The following TBC1D15 variants were observed in gnomAD, a reference collection of about 807,000 sequenced individuals.
The protein encoded by TBC1D15 is GAP for RAB7.
TBC1D15 carries 39 observed loss-of-function variants against 95.4 expected under a neutral mutation model. That is an observed-to-expected ratio of 0.41 (90% CI 0.32 to 0.53). The LOEUF (loss-of-function observed/expected upper bound fraction) is 0.53. Among genes scored for constraint, TBC1D15 ranks in the 20% least tolerant of loss-of-function variants. TBC1D15 has a pLI of 0.29. For missense variants in TBC1D15, 733 were observed against 794.3 expected (o/e 0.92, Z 0.93); for synonymous variants, 258 against 261.3 (o/e 0.99, Z 0.12).
chr12:71,904,780 T>C (rs951224651), intron 10 of TBC1D15, among the ~76,000 whole-genome samples: 6 of 152,110 alleles, frequency 3.9e-5, no homozygotes, highest in African/African-American at 1.4e-4. Context: ...GGAAGCAGAG[T>C]CCTTATCTGA....
intron 11 of TBC1D15, among the ~76,000 whole-genome samples, chr12:71,911,806 T>A (rs1902445614): frequency 6.7e-6 from 1 of 149,496 alleles, no homozygotes; most frequent in Non-Finnish European, 1.5e-5. Flanking sequence ...AAAAATAAAA[T>A]AGATTAAAGG....
chr12:71,873,641 G>T (rs768571494), intron 3 of TBC1D15, among the ~76,000 whole-genome samples: 13 of 152,160 alleles, frequency 8.5e-5, no homozygotes, highest in Non-Finnish European at 1.9e-4. Flanking sequence ...TGGGGGAACT[G>T]CCACACTTTT....
At chr12:71,892,585 T>TC (rs1897379449) in intron 5 of TBC1D15, among the ~76,000 whole-genome samples, 1 of 151,938 alleles carries the variant, frequency 6.6e-6, no homozygotes, top group Non-Finnish European at 1.5e-5. Context: ...GAGACTTGCT[T>TC]CTAGAGTTTA....
At chr12:71,840,006 T>C (rs1884507897) in intron 1 of TBC1D15, among the ~76,000 whole-genome samples, 195 bp downstream of exon 1, 1 of 152,182 alleles carries the variant, frequency 6.6e-6, no homozygotes, top group South Asian at 2.1e-4. Flanking sequence ...TAGAGCCGGC[T>C]ACTGCTCCAA....
chr12:71,903,037 G>A (rs908809760), intron 10 of TBC1D15, among the ~76,000 whole-genome samples: 1 of 151,996 alleles, frequency 6.6e-6, no homozygotes, highest in Non-Finnish European at 1.5e-5. Flanking sequence ...TCAGCCTCCC[G>A]GGTAGCTGGG....
chr12:71,871,901 T>G (rs1265878082), intron 1 of TBC1D15, among the ~76,000 whole-genome samples, 169 bp from the exon 2 acceptor site: 1 of 152,250 alleles, frequency 6.6e-6, no homozygotes, highest in Non-Finnish European at 1.5e-5. Context: ...TATGTTTGCT[T>G]GATTGAAGTG....
Position 71,896,721 on chromosome 12 carries a change from G to A in TBC1D15, c.1029G>A (p.Leu343=). The change falls in exon 9 of 17, where the codon CTG becomes CTA. Residue 343 remains leucine (L), a synonymous_variant. Transcript: ENST00000485960. ...GAAAGCAAGCATGGAAATTTCTTCT[G>A]GGTTATTTTCCCTGGGACAGTACCA... The part of the protein sequence containing the change: ...ALRKQAWKFL[L]GYFPWDSTKE... 6.2e-7 allele frequency: 1 copy of A among 1,612,724 alleles called. No homozygotes were observed. Among genetic ancestry groups the A allele is most frequent in the Non-Finnish European group, 8.5e-7 (1 of 1,179,256 alleles).
At chr12:71,909,381 T>C (rs1055168636) in intron 11 of TBC1D15, among the ~76,000 whole-genome samples, 9 of 152,220 alleles carry the variant, frequency 5.9e-5, no homozygotes, top group African/African-American at 1.9e-4. Context: ...GTATTTGCAT[T>C]GAATACAGTC....
chr12:71,894,796 T>C lies in TBC1D15; in HGVS notation c.768T>C (p.Pro256=), dbSNP rs573773799. 2 of 1,613,330 alleles carry C rather than the reference T, an allele frequency of 1.2e-6. No homozygotes were observed. The highest frequency in any genetic ancestry group is 3.3e-5 in the Admixed American group (2 of 59,950). ...GSDPSTHQRP[P]SEMADFLSDA... is the part of the protein sequence containing the mutation. ...ATCCCTCTACACATCAACGACCACCTTCAGAAATGGCAGATTTTCTTAGTG... is the reference window on the plus strand; with the variant it reads ...ATCCCTCTACACATCAACGACCACCCTCAGAAATGGCAGATTTTCTTAGTG... Residue 256 remains proline, a synonymous_variant, in exon 7 of 17, where the codon CCT becomes CCC. Coordinates refer to ENST00000485960, the MANE Select transcript of TBC1D15 (RefSeq NM_001146213.3).
At chr12:71,848,213 G>C (rs1204962233) in intron 1 of TBC1D15, among the ~76,000 whole-genome samples, 3 of 152,184 alleles carry the variant, frequency 2.0e-5, no homozygotes, top group Non-Finnish European at 4.4e-5. Context: ...CTGGGAATGG[G>C]GTGGCTGGAT....
chr12:71,848,842 G>A (rs1209701353), intron 1 of TBC1D15, among the ~76,000 whole-genome samples: 1 of 152,038 alleles, frequency 6.6e-6, no homozygotes, highest in African/African-American at 2.4e-5. Context: ...GGCTTCCTAT[G>A]GGTTTGTCAA....
At chr12:71,856,178 T>G (rs997759913) in intron 1 of TBC1D15, among the ~76,000 whole-genome samples, 2 of 152,144 alleles carry the variant, frequency 1.3e-5, no homozygotes, top group African/African-American at 4.8e-5. Context: ...CCATTAGAGA[T>G]GTATTTTAGA....
intron 12 of TBC1D15, 64 bp downstream of exon 12, chr12:71,913,990 A>T: frequency 8.2e-7 from 1 of 1,225,408 alleles, no homozygotes; most frequent in South Asian, 1.4e-5. Context: ...ATTTTATAGT[A>T]TAAGGTTGAT....
At chr12:71,892,943 C>T (rs1897449757) in intron 5 of TBC1D15, among the ~76,000 whole-genome samples, 1 of 151,476 alleles carries the variant, frequency 6.6e-6, no homozygotes, top group African/African-American at 2.4e-5. Flanking sequence ...CCAGTTTAAT[C>T]CTTTTGGCTT....
chr12:71,856,308 G>A (rs1339901210), intron 1 of TBC1D15, among the ~76,000 whole-genome samples: 5 of 152,120 alleles, frequency 3.3e-5, no homozygotes, highest in African/African-American at 9.7e-5. Flanking sequence ...AAACTGATTA[G>A]GCTATTCCGT....
rs1320497569 is a variant in TBC1D15 at position 71,858,557 on chromosome 12, CT to C, written c.31-13497del. ...CATATGCTAATTTTTTTTTCTTTTT[CT>C]TTTTTTTTTTTTTTTGAGATAGAGT... On this transcript the variant is annotated intron_variant, in intron 1 of 16. Coordinates refer to ENST00000485960, the MANE Select transcript of TBC1D15 (RefSeq NM_001146213.3). Among the ~76,000 whole-genome samples the C allele has an allele frequency of 7.6e-3, 712 of 93,288 alleles. 2 individuals carry two copies. The highest frequency in any genetic ancestry group is 0.023 in the African/African-American group (568 of 24,832). 61.2% of individuals were successfully genotyped at this position (93,288 alleles called of 152,430 possible). A position where few individuals can be genotyped will look rare whatever the true frequency, so the allele number is the denominator to read the frequency against.
intron 7 of TBC1D15, 30 bp downstream of exon 7, chr12:71,894,913 T>C: frequency 6.3e-7 from 1 of 1,575,758 alleles, no homozygotes; most frequent in Admixed American, 1.8e-5. Context: ...AATATAGCTC[T>C]TATATTTTAA....
chr12:71,865,759 G>A (rs1330288500), intron 1 of TBC1D15, among the ~76,000 whole-genome samples: 3 of 152,072 alleles, frequency 2.0e-5, no homozygotes, highest in Non-Finnish European at 4.4e-5. Flanking sequence ...TCGGATATGG[G>A]GTACTGTGTC....
intron 11 of TBC1D15, among the ~76,000 whole-genome samples, chr12:71,908,184 A>G (rs1901257937): frequency 6.6e-6 from 1 of 152,172 alleles, no homozygotes; most frequent in African/African-American, 2.4e-5. Flanking sequence ...AGGAAAAAAA[A>G]GAACTGACGG....
Sources: gnomAD v4.1 joint callset for allele counts (sites outside exome capture counted in the v4.1 genomes callset) on GRCh38, gnomAD v4.1.1 for gene constraint, MANE v1.5 for transcripts, NCBI Gene and HGNC (gene_info 2026-07-23, HGNC 2026-07-21) for gene names.